The following AVEN variants were observed in gnomAD, a reference collection of about 807,000 sequenced individuals.
AVEN encodes apoptosis and caspase activation inhibitor, also known as cell death regulator Aven.
Under a neutral mutation model 38.1 loss-of-function variants are expected in AVEN, and 41 were observed. The ratio of observed to expected loss-of-function variants is 1.08; its 90% CI spans 0.84 to 1.40. The LOEUF (loss-of-function observed/expected upper bound fraction) is 1.40, where lower values mean the gene tolerates loss of function less well. Ranked by LOEUF, AVEN falls within the 40% of genes most tolerant of loss-of-function variation. AVEN has a pLI of 0.00. For missense variants in AVEN, 605 were observed against 438.8 expected, an observed-to-expected ratio of 1.38 and a Z score of -3.38; for synonymous variants, 206 against 171.8, an observed-to-expected ratio of 1.20 and a Z score of -1.56.
intron 1 of AVEN, among the ~76,000 whole-genome samples, chr15:34,019,988 A>AT (rs1162298606): frequency 3.3e-5 from 5 of 152,208 alleles, no homozygotes; most frequent in African/African-American, 7.2e-5. Flanking sequence ...AAGAGTCTTG[A>AT]TTTTTTAAAC....
At chr15:34,016,741 C>T (rs1260140368) in intron 1 of AVEN, among the ~76,000 whole-genome samples, 1 of 152,176 alleles carries the variant, frequency 6.6e-6, no homozygotes, top group African/African-American at 2.4e-5. Flanking sequence ...TTTAAACCAG[C>T]GTAACCGTTT....
intron 2 of AVEN, among the ~76,000 whole-genome samples, chr15:33,983,212 A>ACACACGTG (rs780265090): frequency 9.8e-5 from 4 of 40,956 alleles, no homozygotes; most frequent in African/African-American, 1.3e-4. Flanking sequence ...ATATATATAT[A>ACACACGTG]TACATATATA....
At chr15:33,981,494 A>G (rs896875730) in intron 2 of AVEN, among the ~76,000 whole-genome samples, 3 of 152,198 alleles carry the variant, frequency 2.0e-5, no homozygotes, top group African/African-American at 7.2e-5. Flanking sequence ...GATACTAAAA[A>G]TGGGGGGAAG....
At chr15:34,074,637 A>G (rs1900696534) in exon 1 of AVEN, among the ~76,000 whole-genome samples, 2 of 151,978 alleles carry the variant, frequency 1.3e-5, no homozygotes, top group South Asian at 4.2e-4. Context: ...TCTGTGTCTC[A>G]ATTTCTCCCT....
chr15:34,003,212 G>A lies in AVEN; in HGVS notation c.268-3C>T. ...TCTGCATCGCTGTCATCTTCAACCT[G>A]CAATCATTAGAGACAAATCAATAAG... On this transcript the variant is annotated splice_polypyrimidine_tract_variant and splice_region_variant and intron_variant, in intron 1 of 5. Coordinates refer to ENST00000306730, the MANE Select transcript of AVEN (RefSeq NM_020371.3). 4.3e-6 allele frequency: 7 copies of A among 1,612,348 alleles called. No individual in the cohort carries two copies. Among genetic ancestry groups the A allele is most frequent in the Non-Finnish European group, 5.9e-6 (7 of 1,179,472 alleles).
At chr15:34,052,916 C>T (rs1899980580) in intron 5 of AVEN, among the ~76,000 whole-genome samples, 1 of 152,108 alleles carries the variant, frequency 6.6e-6, no homozygotes, top group Admixed American at 6.6e-5. Flanking sequence ...AATAGTCATA[C>T]TGCCCAAAGT....
intron 2 of AVEN, among the ~76,000 whole-genome samples, chr15:33,901,253 C>T (rs1892488294): frequency 6.6e-6 from 1 of 152,038 alleles, no homozygotes; most frequent in Non-Finnish European, 1.5e-5. Context: ...GGCGACAGAG[C>T]AAGACTCCAC....
At chr15:33,927,262 T>C (rs1275655498) in intron 2 of AVEN, among the ~76,000 whole-genome samples, 1 of 139,278 alleles carries the variant, frequency 7.2e-6, no homozygotes, top group African/African-American at 3.1e-5. Flanking sequence ...CTCAAAATAA[T>C]AATAATAATA....
intron 2 of AVEN, among the ~76,000 whole-genome samples, chr15:33,899,168 A>AAAAACATCCCCCTTTT (rs71117192): frequency 6.6e-6 from 1 of 151,610 alleles, no homozygotes; most frequent in Non-Finnish European, 1.5e-5. Flanking sequence ...TAACTGTGGT[A>AAAAACATCCCCCTTTT]CTCACCTCTG....
At chr15:33,957,330 C>T (rs1165606296) in intron 2 of AVEN, among the ~76,000 whole-genome samples, 2 of 152,142 alleles carry the variant, frequency 1.3e-5, no homozygotes, top group East Asian at 3.8e-4. Flanking sequence ...TCTTCTTTGA[C>T]AAAAAGTCCT....
intron 5 of AVEN, among the ~76,000 whole-genome samples, chr15:34,050,124 G>A (rs1899881961): frequency 2.0e-5 from 3 of 152,038 alleles, no homozygotes; most frequent in Admixed American, 2.0e-4. Flanking sequence ...CTGACCTCAG[G>A]TGATCCACCC....
At chr15:34,057,143 T>TG (rs34543836) in intron 5 of AVEN, among the ~76,000 whole-genome samples, 4 of 97,100 alleles carry the variant, frequency 4.1e-5, no homozygotes, top group Non-Finnish European at 7.6e-5. Context: ...TTTTTTTTGG[T>TG]TTTTTTTTTT....
intron 11 of AVEN, chr15:33,860,510 C>T (rs757840573): frequency 8.9e-5 from 64 of 718,054 alleles, no homozygotes; most frequent in Admixed American, 6.2e-4. Flanking sequence ...TTTTTTTTAA[C>T]AGAACAAAGT....
chr15:33,878,889 C>T (rs941034689), intron 2 of AVEN, among the ~76,000 whole-genome samples: 2 of 151,828 alleles, frequency 1.3e-5, no homozygotes, highest in Non-Finnish European at 2.9e-5. Flanking sequence ...TTAAAACTGT[C>T]CAAATTGCTG....
At chr15:34,038,732 T>C (rs1899292828) in intron 1 of AVEN, 48 bp downstream of exon 1, 22 of 1,131,778 alleles carry the variant, frequency 1.9e-5, no homozygotes, top group Non-Finnish European at 2.3e-5. Context: ...TCGGCCCCAC[T>C]TGCCCCAGTT....
intron 5 of AVEN, chr15:34,062,633 T>G (rs1358941199): frequency 1.6e-6 from 2 of 1,276,860 alleles, no homozygotes; most frequent in Non-Finnish European, 2.2e-6. Flanking sequence ...TGTGTTTCCC[T>G]CTCTTCCAGA....
At chr15:34,005,444 T>C (rs906573478) in intron 1 of AVEN, among the ~76,000 whole-genome samples, 2 of 152,164 alleles carry the variant, frequency 1.3e-5, no homozygotes, top group African/African-American at 4.8e-5. Flanking sequence ...TTTTTTTATC[T>C]CCAATATTAT....
At chr15:34,075,181 C>CA (rs58860397), upstream of AVEN, among the ~76,000 whole-genome samples, 2,188 of 66,616 alleles carry the variant, frequency 0.033, 97 homozygotes, top group East Asian at 0.079. Context: ...GACTCTGGCT[C>CA]AAAAAAAAAA....
chr15:33,926,435 G>A (rs1196249200), intron 2 of AVEN, among the ~76,000 whole-genome samples: 5 of 152,270 alleles, frequency 3.3e-5, no homozygotes, highest in South Asian at 4.1e-4. Context: ...GAAGTGAACC[G>A]TGGAGTCTGA....
Sources: allele counts gnomAD v4.1 joint callset (sites outside exome capture counted in the v4.1 genomes callset), GRCh38; gene constraint gnomAD v4.1.1; transcripts MANE v1.5; gene names NCBI Gene and HGNC (gene_info 2026-07-23, HGNC 2026-07-21).